SUGCT: variants seen among roughly 807,000 people sequenced by gnomAD.
SUGCT encodes succinyl-CoA:glutarate CoA-transferase.
A neutral mutation model predicts 55.0 loss-of-function variants in SUGCT; 41 were observed. The ratio of observed to expected loss-of-function variants is 0.74; its 90% CI spans 0.58 to 0.97. The LOEUF (loss-of-function observed/expected upper bound fraction) is 0.97. SUGCT is among the 50% of genes least tolerant of loss of function. The pLI, the probability that SUGCT is intolerant of heterozygous loss-of-function variation, is 0.00. For missense variants in SUGCT, 568 were observed against 547.8 expected, an observed-to-expected ratio of 1.04 and a Z score of -0.37; for synonymous variants, 187 against 200.4, an observed-to-expected ratio of 0.93 and a Z score of 0.56.
chr7:40,409,552 A>AC (rs1786558743), intron 9 of SUGCT, among the ~76,000 whole-genome samples: 1 of 152,072 alleles, frequency 6.6e-6, no homozygotes, highest in Non-Finnish European at 1.5e-5. Context: ...GAGCCACCAT[A>AC]CCTGGCCCCT....
At chr7:40,273,033 G>A (rs892002680) in intron 7 of SUGCT, among the ~76,000 whole-genome samples, 2 of 151,964 alleles carry the variant, frequency 1.3e-5, no homozygotes, top group African/African-American at 4.8e-5. Flanking sequence ...TGTTGTTCAA[G>A]GGTCAATGTA....
intron 5 of SUGCT, among the ~76,000 whole-genome samples, chr7:40,192,107 C>CAAAA (rs34662909): frequency 3.3e-5 from 2 of 61,300 alleles, no homozygotes; most frequent in Non-Finnish European, 2.9e-5. Flanking sequence ...GATTCCATCT[C>CAAAA]AAAAAAAAAA....
chr7:40,212,530 C>G (rs1787399080), intron 6 of SUGCT, among the ~76,000 whole-genome samples: 1 of 151,558 alleles, frequency 6.6e-6, no homozygotes, highest in African/African-American at 2.4e-5. Flanking sequence ...GATTATAGTT[C>G]AATATTTTTT....
intron 9 of SUGCT, among the ~76,000 whole-genome samples, chr7:40,367,829 C>A (rs1007146827): frequency 6.6e-6 from 1 of 152,144 alleles, no homozygotes; most frequent in Non-Finnish European, 1.5e-5. Flanking sequence ...TCATGTCACC[C>A]AACTGATTCA....
chr7:40,712,770 G>C (rs935869007), intron 12 of SUGCT, among the ~76,000 whole-genome samples: 2 of 152,216 alleles, frequency 1.3e-5, no homozygotes, highest in African/African-American at 4.8e-5. Context: ...GCACATGCAG[G>C]CCTCACATCT....
At chr7:40,160,856 C>A (rs1458782601) in intron 1 of SUGCT, among the ~76,000 whole-genome samples, 2 of 151,868 alleles carry the variant, frequency 1.3e-5, no homozygotes, top group Non-Finnish European at 2.9e-5. Flanking sequence ...TCCACAAACC[C>A]AGGAGATTAT....
intron 7 of SUGCT, among the ~76,000 whole-genome samples, chr7:40,243,471 G>A (rs1789602827): frequency 6.6e-6 from 1 of 152,054 alleles, no homozygotes; most frequent in Non-Finnish European, 1.5e-5. Context: ...ATGTTATGTT[G>A]CAGATAATAC....
At chr7:40,874,209 A>G in the SUGCT span, among the ~76,000 whole-genome samples, 1 of 152,248 alleles carries the variant, frequency 6.6e-6, no homozygotes, top group Non-Finnish European at 1.5e-5. Flanking sequence ...TGTAGACACT[A>G]TGATGATGTT....
chr7:40,190,465 G>GT (rs1785824293), intron 5 of SUGCT, among the ~76,000 whole-genome samples: 1 of 152,094 alleles, frequency 6.6e-6, no homozygotes, highest in African/African-American at 2.4e-5. Context: ...GGCCAGGCTG[G>GT]TTCGAACTCC....
intron 12 of SUGCT, among the ~76,000 whole-genome samples, chr7:40,657,958 C>T (rs1253998534): frequency 6.6e-6 from 1 of 152,112 alleles, no homozygotes; most frequent in Non-Finnish European, 1.5e-5. Context: ...CAGTCAGACA[C>T]CAAATCTAGT....
At chr7:40,936,786 AT>A in the SUGCT span, among the ~76,000 whole-genome samples, 1 of 151,934 alleles carries the variant, frequency 6.6e-6, no homozygotes, top group South Asian at 2.1e-4. Context: ...ATATTATGAT[AT>A]GTTGCATTTT....
At chr7:40,716,248 GA>G (rs1449318465) in intron 12 of SUGCT, among the ~76,000 whole-genome samples, 7 of 152,138 alleles carry the variant, frequency 4.6e-5, no homozygotes, top group Non-Finnish European at 8.8e-5. Context: ...CTTCCTCCCT[GA>G]TTCCATCAGG....
intron 10 of SUGCT, among the ~76,000 whole-genome samples, chr7:40,451,550 A>C (rs1017721232): frequency 2.0e-5 from 3 of 152,192 alleles, no homozygotes; most frequent in Non-Finnish European, 4.4e-5. Flanking sequence ...CTCATATGAG[A>C]GTTAGGAATG....
chr7:40,264,158 G>C (rs764326665), intron 7 of SUGCT, among the ~76,000 whole-genome samples: 1 of 152,056 alleles, frequency 6.6e-6, no homozygotes, highest in Non-Finnish European at 1.5e-5. Context: ...TAAACAACTC[G>C]TGTACTTTCC....
At chr7:40,249,503 A>C (rs1313818486) in intron 7 of SUGCT, among the ~76,000 whole-genome samples, 5 of 149,318 alleles carry the variant, frequency 3.3e-5, no homozygotes, top group Non-Finnish European at 7.4e-5. Flanking sequence ...CGCTTAATAA[A>C]TATTATAGAA....
chr7:40,313,362 G>A (rs941143207), intron 8 of SUGCT, among the ~76,000 whole-genome samples: 6 of 152,000 alleles, frequency 3.9e-5, no homozygotes, highest in Admixed American at 3.9e-4. Flanking sequence ...CTTTTAATTT[G>A]TGCAAAATTT....
At chr7:40,170,422 A>C (rs1392573437) in intron 1 of SUGCT, among the ~76,000 whole-genome samples, 1 of 152,154 alleles carries the variant, frequency 6.6e-6, no homozygotes, top group Non-Finnish European at 1.5e-5. Context: ...TCTGACAGGG[A>C]GAAAAGTACA....
At chr7:40,684,365 A>C (rs1437657655) in intron 12 of SUGCT, among the ~76,000 whole-genome samples, 3 of 152,210 alleles carry the variant, frequency 2.0e-5, no homozygotes, top group African/African-American at 7.2e-5. Flanking sequence ...CATTTTACTT[A>C]GATTCCATTT....
intron 7 of SUGCT, among the ~76,000 whole-genome samples, chr7:40,239,943 A>T (rs1789266977): frequency 6.6e-6 from 1 of 152,152 alleles, no homozygotes. Context: ...GTACGGTGGG[A>T]ATGGTGGTAG....
Sources: allele counts gnomAD v4.1 joint callset (sites outside exome capture counted in the v4.1 genomes callset), GRCh38; gene constraint gnomAD v4.1.1; transcripts MANE v1.5; gene names NCBI Gene and HGNC (gene_info 2026-07-23, HGNC 2026-07-21).